SPOCK1: variants seen among roughly 807,000 people sequenced by gnomAD.
SPOCK1 encodes SPARC (osteonectin), cwcv and kazal like domains proteoglycan 1.
SPOCK1 carries 23 observed loss-of-function variants against 55.3 expected under a neutral mutation model. The observed-to-expected ratio is 0.42, with a 90% CI of 0.30 to 0.59. The LOEUF is 0.59. Ranked by LOEUF, SPOCK1 falls within the 20% of genes least tolerant of loss-of-function variation. SPOCK1 has a pLI of 0.22. For synonymous variants in SPOCK1, 226 were observed against 221.0 expected (o/e 1.02, Z -0.20); for missense variants, 499 against 552.5 (o/e 0.90, Z 0.97).
chr5:137,050,319 C>G (rs1752178531), intron 6 of SPOCK1, among the ~76,000 whole-genome samples: 2 of 134,008 alleles, frequency 1.5e-5, no homozygotes, highest in Non-Finnish European at 3.2e-5. Flanking sequence ...ACCCTCTGAG[C>G]CAGGTGTGGG....
intron 3 of SPOCK1, among the ~76,000 whole-genome samples, chr5:137,154,331 TC>T (rs1173332106): frequency 6.6e-6 from 1 of 152,118 alleles, no homozygotes; most frequent in African/African-American, 2.4e-5. Context: ...AGGTGGTCAC[TC>T]TAGATTAAGT....
In SPOCK1 at chr5:137,439,049, A is replaced by G. The variant is rs563068180; in HGVS notation, c.186+59324T>C. Among the ~76,000 whole-genome samples the G allele has an allele frequency of 8.4e-4, 128 of 152,246 alleles. 1 individual carries two copies. The highest frequency in any genetic ancestry group is 2.9e-3 in the African/African-American group (119 of 41,542). On this transcript the variant is annotated intron_variant, in intron 2 of 10. Coordinates refer to ENST00000394945, the MANE Select transcript of SPOCK1 (RefSeq NM_004598.4). ...TCTGTGGCCACAAGCAAATTATACC[A>G]TCTGAGTTTCAGTTTCCTTATTTGT...
At chr5:137,117,983 A>C (rs185622706) in intron 4 of SPOCK1, among the ~76,000 whole-genome samples, 1 of 152,350 alleles carries the variant, frequency 6.6e-6, no homozygotes, top group East Asian at 1.9e-4. Context: ...TTTTTTAAAT[A>C]AGCAAGAAAT....
At chr5:137,092,178 G>T (rs1294809351) in intron 5 of SPOCK1, among the ~76,000 whole-genome samples, 1 of 152,168 alleles carries the variant, frequency 6.6e-6, no homozygotes, top group African/African-American at 2.4e-5. Context: ...AACATGGTTT[G>T]TATTCCATGT....
intron 6 of SPOCK1, among the ~76,000 whole-genome samples, chr5:137,004,250 A>G (rs1328760160): frequency 6.6e-6 from 1 of 152,174 alleles, no homozygotes; most frequent in Non-Finnish European, 1.5e-5. Context: ...CTGCATTATC[A>G]TGCTTCCAGT....
chr5:137,400,837 G>A (rs552706956), intron 2 of SPOCK1, among the ~76,000 whole-genome samples: 1 of 152,214 alleles, frequency 6.6e-6, no homozygotes, highest in African/African-American at 2.4e-5. Context: ...GGGAGGAAAA[G>A]TGCGGATCAG....
At position 137,221,142 on chromosome 5, in the gene SPOCK1, G is replaced by A. The variant is rs1436966885; in HGVS notation, c.232+45868C>T. 2.0e-5 allele frequency among the ~76,000 whole-genome samples: 3 copies of A among 152,160 alleles called. No individual in the cohort carries two copies. In the East Asian group the frequency reaches 5.8e-4, roughly 29 times the overall value. ...ATTCCAATTTTAAAAGGATTCACAA[G>A]TTTCCTCTAAATAGCCTGTTGCCTT... On this transcript the variant is annotated intron_variant, in intron 3 of 10. Coordinates refer to ENST00000394945, the MANE Select transcript of SPOCK1 (RefSeq NM_004598.4).
At chr5:137,256,672 C>T (rs898608556) in intron 3 of SPOCK1, among the ~76,000 whole-genome samples, 1 of 152,160 alleles carries the variant, frequency 6.6e-6, no homozygotes, top group Admixed American at 6.5e-5. Flanking sequence ...CCACTGCAGG[C>T]TCCTGTGGTC....
intron 2 of SPOCK1, among the ~76,000 whole-genome samples, chr5:137,288,709 G>C (rs948000827): frequency 2.0e-5 from 3 of 152,148 alleles, no homozygotes; most frequent in Admixed American, 2.0e-4. Context: ...TCTAAGCAAG[G>C]TTATTGAAGT....
At chr5:137,050,485 CG>C (rs1752182989) in intron 6 of SPOCK1, among the ~76,000 whole-genome samples, 1 of 150,914 alleles carries the variant, frequency 6.6e-6, no homozygotes, top group Non-Finnish European at 1.5e-5. Context: ...GGCAATGCCT[CG>C]CCCTGCTTCG....
chr5:137,022,505 CTG>C (rs1338928204), intron 6 of SPOCK1, among the ~76,000 whole-genome samples: 1 of 152,038 alleles, frequency 6.6e-6, no homozygotes, highest in Non-Finnish European at 1.5e-5. Flanking sequence ...CAAGAAATAA[CTG>C]AAACAAACTA....
intron 6 of SPOCK1, among the ~76,000 whole-genome samples, chr5:137,052,683 A>G (rs1752228138): frequency 6.6e-6 from 1 of 152,234 alleles, no homozygotes; most frequent in Non-Finnish European, 1.5e-5. Flanking sequence ...AGAATTGAAC[A>G]CCATGCAGCC....
chr5:137,197,802 C>T (rs1020676869), intron 3 of SPOCK1, among the ~76,000 whole-genome samples: 5 of 152,132 alleles, frequency 3.3e-5, no homozygotes, highest in African/African-American at 9.7e-5. Flanking sequence ...TCTACATTTA[C>T]TAAATGGCTA....
chr5:137,364,641 G>T (rs899668118), intron 2 of SPOCK1, among the ~76,000 whole-genome samples: 2 of 152,134 alleles, frequency 1.3e-5, no homozygotes, highest in African/African-American at 2.4e-5. Flanking sequence ...AACAACTACA[G>T]TGGGACTGTA....
chr5:137,205,305 T>C (rs1303647950), intron 3 of SPOCK1, among the ~76,000 whole-genome samples: 1 of 152,220 alleles, frequency 6.6e-6, no homozygotes, highest in Non-Finnish European at 1.5e-5. Context: ...ATGGGAAATA[T>C]GAGGCAGCCT....
At chr5:137,332,611 T>C (rs1758208343) in intron 2 of SPOCK1, among the ~76,000 whole-genome samples, 1 of 152,222 alleles carries the variant, frequency 6.6e-6, no homozygotes, top group Non-Finnish European at 1.5e-5. Flanking sequence ...GTGCCACGTT[T>C]TGTGCAGATA....
chr5:137,160,456 G>A, intron 3 of SPOCK1, among the ~76,000 whole-genome samples: 1 of 108,296 alleles, frequency 9.2e-6, no homozygotes, highest in Admixed American at 1.3e-4. Flanking sequence ...TATATATATG[G>A]GACATAGAAC....
At chr5:137,461,118 G>A (rs1054496522) in intron 2 of SPOCK1, among the ~76,000 whole-genome samples, 3 of 152,202 alleles carry the variant, frequency 2.0e-5, no homozygotes, top group Non-Finnish European at 2.9e-5. Context: ...GACCTCTTCC[G>A]TCTTGCTCAA....
intron 2 of SPOCK1, among the ~76,000 whole-genome samples, chr5:137,312,486 G>C (rs1354730333): frequency 6.6e-6 from 1 of 152,204 alleles, no homozygotes; most frequent in Non-Finnish European, 1.5e-5. Flanking sequence ...CACCACACTG[G>C]TGAGGAAGGA....
Sources: allele counts gnomAD v4.1 joint callset (sites outside exome capture counted in the v4.1 genomes callset), GRCh38; gene constraint gnomAD v4.1.1; transcripts MANE v1.5; gene names NCBI Gene and HGNC (gene_info 2026-07-23, HGNC 2026-07-21).